The following TEAD2 variants were observed in gnomAD, a reference collection of about 807,000 sequenced individuals.
TEAD2 encodes transcriptional enhancer factor TEF-4.
Under a neutral mutation model 61.4 loss-of-function variants are expected in TEAD2, and 51 were observed. The ratio of observed to expected loss-of-function variants is 0.83; its 90% CI spans 0.66 to 1.05. TEAD2 has a LOEUF of 1.05. TEAD2 is among the 50% of genes least tolerant of loss of function. The probability of loss-of-function intolerance (pLI) is 0.00; values close to 1 mark genes in which losing one functional copy is unlikely to be tolerated. For missense variants in TEAD2, 509 were observed against 600.0 expected, an observed-to-expected ratio of 0.85 and a Z score of 1.58; for synonymous variants, 244 against 243.2, an observed-to-expected ratio of 1.00 and a Z score of -0.03.
At chr19:49,343,421 T>G (rs777429226) in intron 10 of TEAD2, 23 bp from the exon 11 acceptor site, 2 of 1,588,236 alleles carry the variant, frequency 1.3e-6, no homozygotes. Context: ...AAGGCACAGA[T>G]GAGTCAGAGG....
In TEAD2 at chr19:49,355,399, C is replaced by G; in HGVS notation, c.393G>C (p.Lys131Asn). Residue 131 changes from lysine to asparagine, a missense_variant, in exon 6 of 13, where the codon AAG (lysine) becomes AAC (asparagine). Transcript: ENST00000593945. ...ACATGGTTGCCATTGTCTGGAAAGC[C>G]TTGTCCTTGGAAACCTGGTCCTGGA... Reference protein sequence around the residue: ...ALNVDQVSKDKAFQTMATMSS... With the variant: ...ALNVDQVSKDNAFQTMATMSS... 6.2e-7 allele frequency: 1 copy of G among 1,614,150 alleles called. No individual in the cohort carries two copies. The highest frequency in any genetic ancestry group is 8.5e-7 in the Non-Finnish European group (1 of 1,180,020).
At position 49,342,467 on chromosome 19, in the gene TEAD2, T is replaced by C; in HGVS notation, c.1213A>G (p.Ser405Gly). The stretch of plus-strand genomic sequence containing the variant: ...AGGATGGTGAAGTTTTCCAGGACGC[T>C]GTTCATCATGTATCGCTCAGGCAGC... ...RQLPERYMMN[S>G]VLENFTILQV... The change falls in exon 12 of 13, where the codon AGC (serine) becomes GGC (glycine). Residue 405 changes from serine to glycine, a missense_variant. By Grantham distance (56) the Ser-to-Gly change is moderately conservative. Coordinates refer to ENST00000593945, the MANE Select transcript of TEAD2 (RefSeq NM_001256660.2). 1 of 1,613,988 alleles carries C rather than the reference T, an allele frequency of 6.2e-7. No individual in the cohort carries two copies. Among genetic ancestry groups the C allele is most frequent in the Non-Finnish European group, 8.5e-7 (1 of 1,179,860 alleles).
chr19:49,358,684 G>C (rs1972576490), intron 3 of TEAD2, among the ~76,000 whole-genome samples: 1 of 150,104 alleles, frequency 6.7e-6, no homozygotes, highest in African/African-American at 2.5e-5. Context: ...CCAGGCTGGA[G>C]TGCAGTAGCA....
At chr19:49,358,700 T>C (rs1259415674) in intron 3 of TEAD2, among the ~76,000 whole-genome samples, 2 of 151,308 alleles carry the variant, frequency 1.3e-5, no homozygotes, top group African/African-American at 4.9e-5. Flanking sequence ...TAGCACGATC[T>C]TGGCTCACTG....
At chr19:49,350,867 G>C (rs889982923) in intron 8 of TEAD2, among the ~76,000 whole-genome samples, 8 of 152,032 alleles carry the variant, frequency 5.3e-5, no homozygotes, top group African/African-American at 1.9e-4. Flanking sequence ...CTGCCTCAAA[G>C]CTGGGCTTCA....
At chr19:49,360,185 G>T in intron 1 of TEAD2, 104 bp from the exon 2 acceptor site, 2 of 914,520 alleles carry the variant, frequency 2.2e-6, no homozygotes, top group South Asian at 3.3e-5. Flanking sequence ...AGGGAGGAGG[G>T]GCTGGGGACC....
chr19:49,355,597 C>T (rs376336885), intron 5 of TEAD2, among the ~76,000 whole-genome samples, 178 bp from the exon 6 acceptor site: 10 of 152,068 alleles, frequency 6.6e-5, no homozygotes, highest in Non-Finnish European at 1.3e-4. Context: ...GAGCCGGAGG[C>T]GGGCAGATCA....
Position 49,359,975 on chromosome 19 carries a change from C to T in TEAD2, c.101G>A (p.Gly34Glu), listed in dbSNP as rs1972713212. The T allele has an allele frequency of 1.2e-6, 2 of 1,610,290 alleles. No homozygotes were observed. The highest frequency in any genetic ancestry group is 1.3e-5 in the African/African-American group (1 of 74,940). ...EEGTGGSEGA[G>E]GDGGPDAEGV... is the part of the protein sequence containing the mutation. ...CTCTGCATCCGGGCCCCCGTCACCC[C>T]CAGCCCCCTCACTGCCGCCGGTACC... The change falls in exon 2 of 13, where the codon GGG becomes GAG. Residue 34 changes from glycine (G) to glutamate (E), a missense_variant. Coordinates refer to ENST00000593945, the MANE Select transcript of TEAD2 (RefSeq NM_001256660.2). The surrounding 1 kb of genome is among the most constrained non-coding windows in gnomAD (Gnocchi z 4.1).
chr19:49,347,301 G>A lies in TEAD2; in HGVS notation c.810C>T (p.Leu270=), dbSNP rs372762598. Residue 270 remains leucine, a synonymous_variant, in exon 10 of 13, where the codon CTC becomes CTT. Coordinates refer to ENST00000593945, the MANE Select transcript of TEAD2 (RefSeq NM_001256660.2). ...QHCPSPGAPP[L]ESVDVRQIYD... ...AGATCTGCCGGACGTCCACACTCTC[G>A]AGCGGCGGCGCTCCGGGGCTGGGGC... is the stretch of plus-strand genomic sequence containing the variant. The A allele has an allele frequency of 1.5e-5, 24 of 1,613,554 alleles. No homozygotes were observed. The highest frequency in any genetic ancestry group is 4.5e-5 in the East Asian group (2 of 44,894).
At chr19:49,358,339 C>T (rs892329416) in intron 3 of TEAD2, among the ~76,000 whole-genome samples, 4 of 152,324 alleles carry the variant, frequency 2.6e-5, no homozygotes, top group East Asian at 3.9e-4. Flanking sequence ...CGCTTGAACC[C>T]GGAAGGCGGA....
chr19:49,347,458 G>T, intron 9 of TEAD2, 95 bp from the exon 10 acceptor site: 1 of 1,407,996 alleles, frequency 7.1e-7, no homozygotes, highest in Non-Finnish European at 9.7e-7. Context: ...CATCCCCACA[G>T]CTCTGGCCAG....
intron 8 of TEAD2, among the ~76,000 whole-genome samples, chr19:49,349,450 G>T (rs576153137): frequency 4.1e-4 from 62 of 150,426 alleles, no homozygotes; most frequent in Middle Eastern, 3.4e-3. Context: ...GGGACAGAGC[G>T]AGACTCTGTC....
chr19:49,341,039 C>A lies in TEAD2; in HGVS notation c.*285G>T. ...GCTGTACCTGGGGGGTTGTCTCACT[C>A]CTGTCCCCACAATCCCTGATACTCC... is the stretch of plus-strand genomic sequence containing the variant. On this transcript the variant is annotated 3_prime_UTR_variant, in exon 13 of 13. Coordinates refer to ENST00000593945, the MANE Select transcript of TEAD2 (RefSeq NM_001256660.2). This position sits in a 1 kb window ranked among gnomAD's most constrained non-coding sequence, Gnocchi z 4.2. The A allele has an allele frequency of 5.7e-6, 2 of 349,804 alleles. No individual in the cohort carries two copies. The highest frequency in any genetic ancestry group is 4.2e-5 in the African/African-American group (2 of 47,950). 21.7% of individuals were successfully genotyped at this position (349,804 alleles called of 1,614,324 possible). A position where few individuals can be genotyped will look rare whatever the true frequency, so the allele number is the denominator to read the frequency against.
intron 1 of TEAD2, 70 bp from the exon 2 acceptor site, chr19:49,360,151 T>C: frequency 1.6e-6 from 2 of 1,281,568 alleles, no homozygotes; most frequent in Non-Finnish European, 2.2e-6. Flanking sequence ...CTGAGAGGGC[T>C]GGGACTCTGG....
rs571973919 is a variant in TEAD2 at position 49,348,735 on chromosome 19, C to T, written c.715G>A (p.Ala239Thr). ...ACTGCATCTGGCGGTTCCACGAAGG[C>T]TGAGAACTCTACCAGCTGCAACCGG... ...TARLQLVEFS[A>T]FVEPPDAVDS... Residue 239 changes from alanine (A) to threonine (T), a missense_variant, in exon 9 of 13, where the codon GCC (alanine) becomes ACC (threonine). Coordinates refer to ENST00000593945, the MANE Select transcript of TEAD2 (RefSeq NM_001256660.2). The T allele has an allele frequency of 1.9e-6, 3 of 1,614,128 alleles. No individual in the cohort carries two copies. Among genetic ancestry groups the T allele is most frequent in the East Asian group, 2.2e-5 (1 of 44,886 alleles).
chr19:49,348,752 T>C lies in TEAD2; in HGVS notation c.698A>G (p.Gln233Arg), dbSNP rs1971811350. Residue 233 changes from glutamine to arginine, a missense_variant, in exon 9 of 13, where the codon CAG becomes CGG. Physicochemically the swap from Gln to Arg is conservative, Grantham distance 43. Transcript: ENST00000593945. ...QARGLGTARL[Q>R]LVEFSAFVEP... is the part of the protein sequence containing the mutation. Reference sequence around the variant, plus strand: ...CACGAAGGCTGAGAACTCTACCAGCTGCAACCGGGCGGTGCCCAGGCCCCG... The same window carrying C: ...CACGAAGGCTGAGAACTCTACCAGCCGCAACCGGGCGGTGCCCAGGCCCCG... The C allele has an allele frequency of 6.2e-7, 1 of 1,613,726 alleles. No individual in the cohort carries two copies. The highest frequency in any genetic ancestry group is 8.5e-7 in the Non-Finnish European group (1 of 1,179,906).
Position 49,360,090 on chromosome 19 carries a change from A to T in TEAD2, c.-6-9T>A, listed in dbSNP as rs1246975365. 35 of 1,597,864 alleles carry T rather than the reference A, an allele frequency of 2.2e-5. No homozygotes were observed. The highest frequency in any genetic ancestry group is 2.9e-5 in the Non-Finnish European group (34 of 1,175,560). On this transcript the variant is annotated splice_polypyrimidine_tract_variant and intron_variant, in intron 1 of 12. Coordinates refer to ENST00000593945, the MANE Select transcript of TEAD2 (RefSeq NM_001256660.2). ...GGTTCCCCCATCTGGGCCTGGAGGAACACAGAACTCAGCAAGCTTCCCCCA... is the reference window on the plus strand; with the variant it reads ...GGTTCCCCCATCTGGGCCTGGAGGATCACAGAACTCAGCAAGCTTCCCCCA...
At chr19:49,345,509 C>T (rs556275765) in intron 10 of TEAD2, among the ~76,000 whole-genome samples, 1 of 152,058 alleles carries the variant, frequency 6.6e-6, no homozygotes, top group African/African-American at 2.4e-5. Flanking sequence ...CGCACCACCA[C>T]ACCCAGCTAA....
rs750926356 is a variant in TEAD2 at position 49,355,221 on chromosome 19, A to G, written c.481-15T>C. 6.2e-7 allele frequency: 1 copy of G among 1,613,710 alleles called. No homozygotes were observed. The highest frequency in any genetic ancestry group is 8.5e-7 in the Non-Finnish European group (1 of 1,179,844). ...AGCTCAGAGGCCTGGATAGGACACA[A>G]AGAAAAATGGTTGGTCAGTCCCCTG... On this transcript the variant is annotated splice_polypyrimidine_tract_variant and intron_variant, in intron 6 of 12. Coordinates refer to ENST00000593945, the MANE Select transcript of TEAD2 (RefSeq NM_001256660.2).
Sources: allele counts gnomAD v4.1 joint callset (sites outside exome capture counted in the v4.1 genomes callset), GRCh38; gene constraint gnomAD v4.1.1; non-coding constraint Gnocchi (gnomAD v3.1); transcripts MANE v1.5; gene names NCBI Gene and HGNC (gene_info 2026-07-23, HGNC 2026-07-21).